The following IKZF1 variants were observed in gnomAD, a reference collection of about 807,000 sequenced individuals.
IKZF1 encodes the protein IKAROS family zinc finger 1.
A neutral mutation model predicts 51.7 loss-of-function variants in IKZF1; 10 were observed. The ratio of observed to expected loss-of-function variants is 0.19; its 90% CI spans 0.12 to 0.33. The LOEUF is 0.33. Among genes scored for constraint, IKZF1 ranks in the 10% least tolerant of loss-of-function variants. The pLI is 1.00. For synonymous variants in IKZF1, 280 were observed against 282.3 expected (o/e 0.99, Z 0.08); for missense variants, 484 against 707.5 (o/e 0.68, Z 3.58).
intron 6 of IKZF1, among the ~76,000 whole-genome samples, chr7:50,389,438 C>A (rs1337699168): frequency 6.6e-6 from 1 of 152,082 alleles, no homozygotes; most frequent in African/African-American, 2.4e-5. Flanking sequence ...TCATTTATTC[C>A]CTTTGGTGGT....
intron 6 of IKZF1, 78 bp downstream of exon 6, chr7:50,387,548 G>A (rs1439477545): frequency 6.7e-7 from 1 of 1,482,876 alleles, no homozygotes; most frequent in East Asian, 2.5e-5. Flanking sequence ...TCTGCATGCA[G>A]CCTTAGGAGC....
chr7:50,333,516 G>C (rs1796881078), intron 3 of IKZF1, among the ~76,000 whole-genome samples: 1 of 152,148 alleles, frequency 6.6e-6, no homozygotes, highest in South Asian at 2.1e-4. Context: ...GTTTTTATCT[G>C]CGAAATGCAT....
intron 3 of IKZF1, among the ~76,000 whole-genome samples, chr7:50,341,291 G>A (rs928151638): frequency 4.2e-4 from 64 of 151,988 alleles, no homozygotes; most frequent in African/African-American, 1.4e-3. Flanking sequence ...TTACACGCCC[G>A]CCACCATGCC....
chr7:50,358,024 G>T (rs1164133572), intron 3 of IKZF1, among the ~76,000 whole-genome samples: 1 of 152,186 alleles, frequency 6.6e-6, no homozygotes, highest in Admixed American at 6.5e-5. Context: ...CCTTCACCTG[G>T]TTGCAAGCCC....
intron 3 of IKZF1, among the ~76,000 whole-genome samples, chr7:50,361,565 G>A (rs2153448006): frequency 6.6e-6 from 1 of 152,244 alleles, no homozygotes; most frequent in African/African-American, 2.4e-5. Flanking sequence ...ATTGCACATG[G>A]CACCAAAACA....
chr7:50,382,571 G>A lies in IKZF1; in HGVS notation c.453G>A (p.Gly151=), dbSNP rs747487399. 1 of 1,613,854 alleles carries A rather than the reference G, an allele frequency of 6.2e-7. No individual in the cohort carries two copies. The highest frequency in any genetic ancestry group is 8.5e-7 in the Non-Finnish European group (1 of 1,179,868). ...GERPFQCNQC[G]ASFTQKGNLL... ...GGCCCTTCCAGTGCAATCAGTGCGGGGCCTCATTCACCCAGAAGGGCAACC... is the reference window on the plus strand; with the variant it reads ...GGCCCTTCCAGTGCAATCAGTGCGGAGCCTCATTCACCCAGAAGGGCAACC... Residue 151 remains glycine (G), a synonymous_variant, in exon 5 of 8, where the codon GGG becomes GGA. Coordinates refer to ENST00000331340, the MANE Select transcript of IKZF1 (RefSeq NM_006060.6).
At chr7:50,323,841 T>C (rs2042468725) in intron 2 of IKZF1, among the ~76,000 whole-genome samples, 1 of 152,256 alleles carries the variant, frequency 6.6e-6, no homozygotes, top group Non-Finnish European at 1.5e-5. Context: ...TTAGAATCCA[T>C]GCACATTATT....
intron 3 of IKZF1, among the ~76,000 whole-genome samples, chr7:50,338,763 G>A (rs1290539140): frequency 1.3e-5 from 2 of 152,326 alleles, no homozygotes; most frequent in East Asian, 3.9e-4. Context: ...GCCCTACCAA[G>A]CCCTCTCTTG....
chr7:50,317,003 A>G (rs1488760871), intron 1 of IKZF1, among the ~76,000 whole-genome samples: 2 of 152,254 alleles, frequency 1.3e-5, no homozygotes, highest in Admixed American at 1.3e-4. Flanking sequence ...ATTAAAAAAT[A>G]TTTTAAAACA....
In IKZF1 at chr7:50,400,357, G is replaced by C; in HGVS notation, c.1290G>C (p.Glu430Asp). The C allele has an allele frequency of 6.2e-7, 1 of 1,613,034 alleles. No homozygotes were observed. Among genetic ancestry groups the C allele is most frequent in the Non-Finnish European group, 8.5e-7 (1 of 1,179,772 alleles). Residue 430 changes from glutamate (E) to aspartate (D), a missense_variant, in exon 8 of 8, where the codon GAG becomes GAC. This residue lies in a region of IKZF1 where 72 missense variants were observed against 67.5 expected (regional missense o/e 1.07). Transcript: ENST00000331340. This position sits in a 1 kb window ranked among gnomAD's most constrained non-coding sequence, Gnocchi z 5.4. ...CGCGCAACGGGCTGTCGCTCAAGGA[G>C]GAGCACCGCGCCTACGACCTGCTGC... Reference protein sequence around the residue: ...PHARNGLSLKEEHRAYDLLRA... With the variant: ...PHARNGLSLKDEHRAYDLLRA...
At chr7:50,349,069 A>G (rs1012447994) in intron 3 of IKZF1, among the ~76,000 whole-genome samples, 2 of 152,210 alleles carry the variant, frequency 1.3e-5, no homozygotes, top group Non-Finnish European at 2.9e-5. Context: ...TGATCTTCCC[A>G]TCGCACAACT....
In IKZF1 at chr7:50,402,097, G is replaced by A. The variant is rs983017330; in HGVS notation, c.*1470G>A. The stretch of plus-strand genomic sequence containing the variant: ...ATGGAGGCACTGAAGCCCGAGGAAG[G>A]TGTGTGGAGATTCTAATCCCAACAA... On this transcript the variant is annotated 3_prime_UTR_variant, in exon 8 of 8. Transcript: ENST00000331340. 8.7e-6 allele frequency: 2 copies of A among 230,780 alleles called. No individual in the cohort carries two copies. Among genetic ancestry groups the A allele is most frequent in the Admixed American group, 1.1e-4 (2 of 17,726 alleles). The allele number at this position is 230,780 out of a possible 1,614,324, so 14.3% of individuals were successfully genotyped here.
At chr7:50,321,397 T>C (rs566793391) in intron 2 of IKZF1, among the ~76,000 whole-genome samples, 18 of 152,332 alleles carry the variant, frequency 1.2e-4, no homozygotes, top group Admixed American at 2.6e-4. Flanking sequence ...TGGGAAACAC[T>C]GGTAGATGAG....
intron 3 of IKZF1, among the ~76,000 whole-genome samples, chr7:50,361,868 C>G (rs940037752): frequency 6.6e-6 from 1 of 152,044 alleles, no homozygotes; most frequent in Admixed American, 6.5e-5. Flanking sequence ...GAGCAAGACT[C>G]CATCTCAAAA....
At chr7:50,388,860 A>G (rs1025793854) in intron 6 of IKZF1, among the ~76,000 whole-genome samples, 3 of 152,250 alleles carry the variant, frequency 2.0e-5, no homozygotes, top group Non-Finnish European at 2.9e-5. Context: ...CTAATGATGT[A>G]GTTTACATAT....
chr7:50,382,392 G>T (rs1420087520), intron 4 of IKZF1, 148 bp from the exon 5 acceptor site: 4 of 1,160,636 alleles, frequency 3.4e-6, no homozygotes, highest in Non-Finnish European at 4.6e-6. Context: ...TAAGGAGCTG[G>T]CAGGTTTAGT....
At chr7:50,326,854 A>G (rs1795154205) in intron 2 of IKZF1, among the ~76,000 whole-genome samples, 2 of 152,240 alleles carry the variant, frequency 1.3e-5, no homozygotes, top group Admixed American at 1.3e-4. Context: ...TCTTTTCCCC[A>G]CTAAGTTAAG....
chr7:50,310,084 C>T (rs1322940538), intron 1 of IKZF1, among the ~76,000 whole-genome samples: 1 of 152,166 alleles, frequency 6.6e-6, no homozygotes, highest in Non-Finnish European at 1.5e-5. Flanking sequence ...TATTCTATTT[C>T]ATTAAATTAA....
intron 4 of IKZF1, among the ~76,000 whole-genome samples, chr7:50,381,110 G>A (rs571388464): frequency 6.6e-6 from 1 of 150,734 alleles, no homozygotes; most frequent in South Asian, 2.1e-4. Context: ...CATCTAACCC[G>A]CCAGCTTAAA....
Sources: gnomAD v4.1 joint callset for allele counts (sites outside exome capture counted in the v4.1 genomes callset) on GRCh38, gnomAD v4.1.1 for gene constraint, gnomAD v4.1.1 regional missense constraint, Gnocchi (gnomAD v3.1) non-coding constraint, MANE v1.5 for transcripts, NCBI Gene and HGNC (gene_info 2026-07-23, HGNC 2026-07-21) for gene names.